Variants in FNDC3B observed in about 807,000 individuals in gnomAD.
The protein encoded by FNDC3B is fibronectin type III domain-containing protein 3B.
FNDC3B carries 12 observed loss-of-function variants against 151.5 expected under a neutral mutation model. The observed-to-expected ratio is 0.08, with a 90% CI of 0.05 to 0.13. The LOEUF (loss-of-function observed/expected upper bound fraction) is 0.13, where lower values mean the gene tolerates loss of function less well. FNDC3B is among the 10% of genes least tolerant of loss of function. The pLI is 1.00. For missense variants in FNDC3B, 1,214 were observed against 1,505.3 expected, an observed-to-expected ratio of 0.81 and a Z score of 3.20; for synonymous variants, 528 against 549.0, an observed-to-expected ratio of 0.96 and a Z score of 0.54.
At chr3:172,334,861 A>ATC in intron 14 of FNDC3B, 83 bp from the exon 15 acceptor site, 1 of 1,356,758 alleles carries the variant, frequency 7.4e-7, no homozygotes, top group Non-Finnish European at 1.0e-6. Flanking sequence ...GGGTGCCTTA[A>ATC]TCTCACCATG....
chr3:172,320,122 G>A (rs1454445498), intron 11 of FNDC3B, among the ~76,000 whole-genome samples: 1 of 152,214 alleles, frequency 6.6e-6, no homozygotes, highest in Non-Finnish European at 1.5e-5. Context: ...GCTGACACCT[G>A]TAACCCCAGT....
chr3:172,146,954 A>C (rs1299383038), intron 3 of FNDC3B, among the ~76,000 whole-genome samples: 2 of 152,166 alleles, frequency 1.3e-5, no homozygotes, highest in Non-Finnish European at 1.5e-5. Context: ...ACCTATGTTT[A>C]ATGAAATTCA....
intron 1 of FNDC3B, among the ~76,000 whole-genome samples, chr3:172,052,932 G>A (rs888996822): frequency 3.3e-5 from 5 of 152,220 alleles, no homozygotes; most frequent in African/African-American, 1.2e-4. Flanking sequence ...GCTATTGGCA[G>A]TTTTATTTAG....
At position 172,378,379 on chromosome 3, in the gene FNDC3B, C is replaced by A; in HGVS notation, c.3118C>A (p.Pro1040Thr). The A allele has an allele frequency of 1.2e-6, 2 of 1,613,988 alleles. No individual in the cohort carries two copies. The highest frequency in any genetic ancestry group is 3.3e-5 in the Admixed American group (2 of 59,998). The change falls in exon 24 of 26, where the codon CCC (proline) becomes ACC (threonine). Residue 1040 changes from proline (P) to threonine (T), a missense_variant. By Grantham distance (38) the Pro-to-Thr change is conservative (BLOSUM62 -1). Around this residue, in one of 7 missense-constraint regions of FNDC3B, gnomAD observed 284 missense variants for 392.4 expected, o/e 0.72. Coordinates refer to ENST00000415807, the MANE Select transcript of FNDC3B (RefSeq NM_022763.4). ...GGCAGCAAGCGAGGCTGGAGAAGGG[C>A]CCTTCTCAGAAACCTATACCTTCAG... Reference protein sequence around the residue: ...IQAASEAGEGPFSETYTFSTT... With the variant: ...IQAASEAGEGTFSETYTFSTT...
chr3:172,376,205 G>A (rs970296198), intron 23 of FNDC3B, among the ~76,000 whole-genome samples: 2 of 152,138 alleles, frequency 1.3e-5, no homozygotes, highest in African/African-American at 4.8e-5. Flanking sequence ...AGATTTTGAT[G>A]TATTTTTAAA....
At chr3:172,042,580 A>G (rs1260153295) in intron 1 of FNDC3B, among the ~76,000 whole-genome samples, 1 of 152,200 alleles carries the variant, frequency 6.6e-6, no homozygotes, top group South Asian at 2.1e-4. Flanking sequence ...CTGTGCTTTT[A>G]TACATTATCT....
At chr3:172,310,198 A>G (rs1441273394) in intron 10 of FNDC3B, among the ~76,000 whole-genome samples, 3 of 152,142 alleles carry the variant, frequency 2.0e-5, no homozygotes, top group Non-Finnish European at 2.9e-5. Context: ...CCCATTGTTA[A>G]AAACCCACTT....
In FNDC3B at chr3:172,229,360, A is replaced by T. The variant is rs372589800; in HGVS notation, c.264+2413A>T. On this transcript the variant is annotated intron_variant, in intron 4 of 25. Coordinates refer to ENST00000415807, the MANE Select transcript of FNDC3B (RefSeq NM_022763.4). ...TGCTTACCTCTCAAGAGGCACCTTTACCTGTCACCCCACAGTCTATGTGTT... is the reference window on the plus strand; with the variant it reads ...TGCTTACCTCTCAAGAGGCACCTTTTCCTGTCACCCCACAGTCTATGTGTT... 1.8e-3 allele frequency among the ~76,000 whole-genome samples: 276 copies of T among 152,264 alleles called. 2 individuals are homozygous for T. The highest frequency in any genetic ancestry group is 6.1e-3 in the African/African-American group (254 of 41,550).
At chr3:172,326,653 G>T (rs1313500055) in intron 11 of FNDC3B, among the ~76,000 whole-genome samples, 3 of 152,156 alleles carry the variant, frequency 2.0e-5, no homozygotes, top group Non-Finnish European at 4.4e-5. Flanking sequence ...AGGTCACACA[G>T]TTCCCCTTCT....
chr3:172,312,981 T>C (rs1405146693), intron 11 of FNDC3B, among the ~76,000 whole-genome samples: 1 of 152,224 alleles, frequency 6.6e-6, no homozygotes, highest in African/African-American at 2.4e-5. Context: ...CAAAAAATGT[T>C]AAATGGCTGA....
chr3:172,059,411 G>A (rs1717075856), intron 1 of FNDC3B, among the ~76,000 whole-genome samples: 1 of 152,090 alleles, frequency 6.6e-6, no homozygotes, highest in Non-Finnish European at 1.5e-5. Flanking sequence ...CATGGCATGG[G>A]GGAATTTGAA....
chr3:172,218,616 T>C (rs1313027708), intron 3 of FNDC3B, among the ~76,000 whole-genome samples: 1 of 152,208 alleles, frequency 6.6e-6, no homozygotes, highest in Non-Finnish European at 1.5e-5. Context: ...CAGTGCTAGG[T>C]ACTTTATATG....
intron 1 of FNDC3B, among the ~76,000 whole-genome samples, chr3:172,058,244 G>A (rs1175582513): frequency 6.6e-6 from 1 of 152,164 alleles, no homozygotes; most frequent in Non-Finnish European, 1.5e-5. Context: ...CAACATTCAT[G>A]TTGAAGAAAA....
chr3:172,231,585 T>C (rs1726892484), intron 4 of FNDC3B, among the ~76,000 whole-genome samples: 1 of 152,178 alleles, frequency 6.6e-6, no homozygotes, highest in East Asian at 1.9e-4. Context: ...TGGTAACTAC[T>C]ATGAATGTTG....
In FNDC3B at chr3:172,295,534, T is replaced by G. The variant is rs1730559747; in HGVS notation, c.1001+20T>G. 6.2e-7 allele frequency: 1 copy of G among 1,608,228 alleles called. No individual in the cohort carries two copies. The highest frequency in any genetic ancestry group is 1.1e-5 in the South Asian group (1 of 90,152). ...TTACAGGTTGTGTATGTTTCTATTG[T>G]TTTTCTTTGCTGCTAAACTGTAAAA... On this transcript the variant is annotated intron_variant, in intron 8 of 25. Coordinates refer to ENST00000415807, the MANE Select transcript of FNDC3B (RefSeq NM_022763.4).
chr3:172,271,994 G>A (rs780036736), intron 6 of FNDC3B, among the ~76,000 whole-genome samples: 7 of 152,180 alleles, frequency 4.6e-5, no homozygotes, highest in Non-Finnish European at 1.0e-4. Context: ...GAAACACATC[G>A]TAGCCCTTGC....
intron 3 of FNDC3B, among the ~76,000 whole-genome samples, chr3:172,171,281 A>G (rs922463069): frequency 3.3e-5 from 5 of 151,816 alleles, no homozygotes; most frequent in Non-Finnish European, 7.3e-5. Context: ...GTTCAAAAGC[A>G]TGTATTTATC....
At chr3:172,382,028 T>G (rs1344921593) in intron 25 of FNDC3B, among the ~76,000 whole-genome samples, 1 of 152,196 alleles carries the variant, frequency 6.6e-6, no homozygotes, top group Non-Finnish European at 1.5e-5. Flanking sequence ...TGGTTCTAGA[T>G]CCTTGAGGAA....
chr3:172,352,840 T>C lies in FNDC3B; in HGVS notation c.2552T>C (p.Leu851Pro), dbSNP rs751014071. Residue 851 changes from leucine to proline, a missense_variant, in exon 22 of 26, where the codon CTT becomes CCT. By Grantham distance (98) the Leu-to-Pro change is moderately conservative. Coordinates refer to ENST00000415807, the MANE Select transcript of FNDC3B (RefSeq NM_022763.4). This position sits in a 1 kb window ranked among gnomAD's most constrained non-coding sequence, Gnocchi z 4.2. ...GCAGGGGCAGGGCCGTACAGTGAAC[T>C]TGTCCTTTGCCAGACGCCAGCGTCT... ...NQAGAGPYSE[L>P]VLCQTPASAP... 1 of 1,614,182 alleles carries C rather than the reference T, an allele frequency of 6.2e-7. No individual in the cohort carries two copies.
Sources: allele counts gnomAD v4.1 joint callset (sites outside exome capture counted in the v4.1 genomes callset), GRCh38; gene constraint gnomAD v4.1.1; regional missense constraint gnomAD v4.1.1; non-coding constraint Gnocchi (gnomAD v3.1); transcripts MANE v1.5; gene names NCBI Gene and HGNC (gene_info 2026-07-23, HGNC 2026-07-21).